The following CAB39 variants were observed in gnomAD, a reference collection of about 807,000 sequenced individuals.
CAB39 encodes the protein calcium-binding protein 39.
A neutral mutation model predicts 40.0 loss-of-function variants in CAB39; 8 were observed. That is an observed-to-expected ratio of 0.20 (90% CI 0.12 to 0.36). The LOEUF is 0.36. CAB39 is among the 10% of genes least tolerant of loss of function. The pLI is 1.00. For missense variants in CAB39, 270 were observed against 401.1 expected (o/e 0.67, Z 2.79); for synonymous variants, 156 against 141.6 (o/e 1.10, Z -0.72).
intron 5 of CAB39, among the ~76,000 whole-genome samples, chr2:230,808,125 T>G (rs546521916): frequency 6.6e-6 from 1 of 151,990 alleles, no homozygotes; most frequent in African/African-American, 2.4e-5. Context: ...TCACTATTGT[T>G]GCCCAGGCTG....
At chr2:230,721,397 C>T (rs1694450896) in intron 1 of CAB39, among the ~76,000 whole-genome samples, 1 of 152,102 alleles carries the variant, frequency 6.6e-6, no homozygotes, top group Non-Finnish European at 1.5e-5. Context: ...TGCCACTGCG[C>T]TCCAGCCTGG....
At chr2:230,780,386 T>G (rs138642458) in intron 2 of CAB39, among the ~76,000 whole-genome samples, 3 of 152,310 alleles carry the variant, frequency 2.0e-5, no homozygotes, top group African/African-American at 7.2e-5. Context: ...TGCACAGGCC[T>G]TTTTCAAGTT....
intron 1 of CAB39, among the ~76,000 whole-genome samples, chr2:230,724,273 A>G (rs558995982): frequency 5.9e-5 from 9 of 151,908 alleles, no homozygotes; most frequent in Non-Finnish European, 1.0e-4. Flanking sequence ...GATAGCATAA[A>G]GGCATAAAGA....
chr2:230,768,457 A>G (rs1695428003), intron 2 of CAB39, among the ~76,000 whole-genome samples: 1 of 152,218 alleles, frequency 6.6e-6, no homozygotes, highest in African/African-American at 2.4e-5. Flanking sequence ...TAGATAAATA[A>G]TCATAACTGA....
intron 3 of CAB39, among the ~76,000 whole-genome samples, chr2:230,791,868 GTAATGAAGC>G (rs766936633): frequency 1.3e-5 from 2 of 152,194 alleles, no homozygotes; most frequent in African/African-American, 4.8e-5. Flanking sequence ...TGCATATATG[GTAATGAAGC>G]TAATGAAGCG....
Position 230,814,996 on chromosome 2 carries a change from G to A in CAB39, c.693+882G>A, listed in dbSNP as rs570871818. Reference sequence around the variant, plus strand: ...TCTTCCCCTCATGGGTGTCTGGACCGATAATGACCAAGATTCCATCCACTC... The same window carrying A: ...TCTTCCCCTCATGGGTGTCTGGACCAATAATGACCAAGATTCCATCCACTC... On this transcript the variant is annotated intron_variant, in intron 7 of 8. Coordinates refer to ENST00000258418, the MANE Select transcript of CAB39 (RefSeq NM_016289.4). Among the ~76,000 whole-genome samples the A allele has an allele frequency of 4.6e-5, 7 of 152,286 alleles. No homozygotes were observed. In the East Asian group the frequency reaches 5.8e-4, roughly 13 times the overall value.
At chr2:230,763,245 A>G (rs1007527145) in intron 2 of CAB39, among the ~76,000 whole-genome samples, 2 of 152,208 alleles carry the variant, frequency 1.3e-5, no homozygotes, top group African/African-American at 2.4e-5. Context: ...TATCTTAGCT[A>G]TGTTTGTAAT....
At chr2:230,715,393 A>T (rs563824009) in intron 1 of CAB39, among the ~76,000 whole-genome samples, 1 of 152,282 alleles carries the variant, frequency 6.6e-6, no homozygotes, top group African/African-American at 2.4e-5. Context: ...TCTTGGCAGG[A>T]TGTGTGTTGT....
At chr2:230,736,576 T>G (rs978359762) in intron 1 of CAB39, among the ~76,000 whole-genome samples, 10 of 152,180 alleles carry the variant, frequency 6.6e-5, no homozygotes, top group African/African-American at 2.4e-4. Context: ...AGACAGTTTA[T>G]GAGATAAAAA....
chr2:230,812,997 T>C (rs1575964957), intron 6 of CAB39, among the ~76,000 whole-genome samples: 1 of 152,108 alleles, frequency 6.6e-6, no homozygotes, highest in East Asian at 1.9e-4. Flanking sequence ...TGAGGACCCA[T>C]CATAAAGCAT....
At chr2:230,807,891 C>G (rs1216594148) in intron 5 of CAB39, among the ~76,000 whole-genome samples, 3 of 152,228 alleles carry the variant, frequency 2.0e-5, no homozygotes, top group Non-Finnish European at 2.9e-5. Context: ...GCAGCAAGTT[C>G]CTTCTGCTGT....
intron 2 of CAB39, among the ~76,000 whole-genome samples, chr2:230,775,705 A>T (rs746248489): frequency 1.3e-5 from 2 of 152,170 alleles, no homozygotes; most frequent in African/African-American, 2.4e-5. Context: ...TTCCTCATGC[A>T]TGGTTGCCTT....
intron 1 of CAB39, among the ~76,000 whole-genome samples, chr2:230,736,430 A>T (rs944255215): frequency 1.3e-5 from 2 of 152,224 alleles, no homozygotes; most frequent in African/African-American, 4.8e-5. Context: ...AGAGTTAGAT[A>T]AAAAGCAATG....
At chr2:230,765,821 C>CA (rs1020318198) in intron 2 of CAB39, among the ~76,000 whole-genome samples, 1 of 151,580 alleles carries the variant, frequency 6.6e-6, no homozygotes, top group Non-Finnish European at 1.5e-5. Flanking sequence ...GTTATCTAGC[C>CA]AAAAAAATGT....
intron 5 of CAB39, among the ~76,000 whole-genome samples, chr2:230,799,575 A>G (rs984719128): frequency 3.3e-5 from 5 of 152,250 alleles, no homozygotes; most frequent in African/African-American, 4.8e-5. Context: ...ACAAGGTTCT[A>G]TGCTGTTTAC....
intron 4 of CAB39, among the ~76,000 whole-genome samples, chr2:230,796,542 A>G (rs74858071): frequency 0.012 from 1,822 of 152,262 alleles, 43 homozygotes; most frequent in African/African-American, 0.041. Context: ...TCTAAAGCTC[A>G]GCAAAGATGA....
chr2:230,796,621 A>G (rs966573874), intron 4 of CAB39, among the ~76,000 whole-genome samples: 2 of 152,100 alleles, frequency 1.3e-5, no homozygotes, highest in African/African-American at 2.4e-5. Flanking sequence ...TTCTAGCTGC[A>G]TGCCTCCACT....
At chr2:230,756,940 C>T (rs1471993984) in intron 1 of CAB39, among the ~76,000 whole-genome samples, 1 of 152,194 alleles carries the variant, frequency 6.6e-6, no homozygotes, top group Non-Finnish European at 1.5e-5. Context: ...ATCTGCTGGC[C>T]TCGTCCTCCC....
intron 1 of CAB39, among the ~76,000 whole-genome samples, chr2:230,755,201 T>G (rs1025292823): frequency 5.3e-5 from 8 of 152,350 alleles, no homozygotes; most frequent in Non-Finnish European, 7.4e-5. Context: ...TTTAGTTCTT[T>G]AAGGAATCAC....
Sources: allele counts gnomAD v4.1 joint callset (sites outside exome capture counted in the v4.1 genomes callset), GRCh38; gene constraint gnomAD v4.1.1; transcripts MANE v1.5; gene names NCBI Gene and HGNC (gene_info 2026-07-23, HGNC 2026-07-21).